The following CCDC6 variants were observed in gnomAD, a reference collection of about 807,000 sequenced individuals.
CCDC6 encodes coiled-coil domain containing 6.
In CCDC6, 20 loss-of-function variants were observed where a neutral mutation model predicts 56.6. The observed-to-expected ratio is 0.35, with a 90% CI of 0.25 to 0.51. The LOEUF (loss-of-function observed/expected upper bound fraction) is 0.51, where lower values mean the gene tolerates loss of function less well. Ranked by LOEUF, CCDC6 falls within the 20% of genes least tolerant of loss-of-function variation. The pLI, the probability that CCDC6 is intolerant of heterozygous loss-of-function variation, is 0.95. For synonymous variants in CCDC6, 241 were observed against 234.4 expected (o/e 1.03, Z -0.26); for missense variants, 367 against 601.1 (o/e 0.61, Z 4.07).
chr10:59,871,379 G>A (rs1251212886), intron 1 of CCDC6, among the ~76,000 whole-genome samples: 6 of 147,916 alleles, frequency 4.1e-5, no homozygotes, highest in East Asian at 2.0e-4. Flanking sequence ...GTGTATACAC[G>A]TACACACAAA....
chr10:59,859,426 A>G (rs2071108952), intron 1 of CCDC6, among the ~76,000 whole-genome samples: 1 of 152,210 alleles, frequency 6.6e-6, no homozygotes, highest in African/African-American at 2.4e-5. Flanking sequence ...AACTTTATAA[A>G]ACATTTAGAA....
In CCDC6 at chr10:59,906,183, T is replaced by C. The variant is rs765340983; in HGVS notation, c.242A>G (p.Lys81Arg). Residue 81 changes from lysine (K) to arginine (R), a missense_variant, in exon 1 of 9, where the codon AAA becomes AGA. By Grantham distance (26) the Lys-to-Arg change is conservative. Coordinates refer to ENST00000263102, the MANE Select transcript of CCDC6 (RefSeq NM_005436.5). ...KVLKIELETY[K>R]LKCKALQEEN... ...CTCCTGCAGTGCCTTGCACTTCAGT[T>C]TGTAGGTCTCCAGCTCTATCTTCAG... 1 of 1,612,100 alleles carries C rather than the reference T, an allele frequency of 6.2e-7. No individual in the cohort carries two copies. The highest frequency in any genetic ancestry group is 1.1e-5 in the South Asian group (1 of 90,604).
At chr10:59,847,818 T>C (rs1266418407) in intron 2 of CCDC6, among the ~76,000 whole-genome samples, 2 of 68,522 alleles carry the variant, frequency 2.9e-5, no homozygotes, top group Non-Finnish European at 4.6e-5. Flanking sequence ...CCTTTTAGAC[T>C]TTTTTTTTTT....
At position 59,791,696 on chromosome 10, in the gene CCDC6, G is replaced by C; in HGVS notation, c.*1221C>G. On this transcript the variant is annotated 3_prime_UTR_variant, in exon 9 of 9. Transcript: ENST00000263102. ...ACTACCAAAGTACAAAACAGCAACT[G>C]CTGAAAAACAAAAATTAAGATGTTG... 1 of 211,592 alleles carries C rather than the reference G, an allele frequency of 4.7e-6. No homozygotes were observed. Among genetic ancestry groups the C allele is most frequent in the Non-Finnish European group, 9.6e-6 (1 of 104,034 alleles). 13.1% of individuals were successfully genotyped at this position (211,592 alleles called of 1,614,324 possible).
intron 5 of CCDC6, among the ~76,000 whole-genome samples, chr10:59,809,498 T>G (rs540150473): frequency 1.3e-5 from 2 of 152,308 alleles, no homozygotes; most frequent in South Asian, 4.2e-4. Flanking sequence ...CCAACACCTC[T>G]GGGTGTCACT....
intron 6 of CCDC6, chr10:59,805,392 T>C (rs1426713322): frequency 6.9e-6 from 1 of 145,406 alleles, no homozygotes; most frequent in Admixed American, 6.8e-5. Flanking sequence ...AGGGAAAGTA[T>C]TTATTGGGCA....
At chr10:59,837,095 T>C (rs2132646616) in intron 2 of CCDC6, among the ~76,000 whole-genome samples, 1 of 152,330 alleles carries the variant, frequency 6.6e-6, no homozygotes, top group East Asian at 1.9e-4. Flanking sequence ...TTACCAATAA[T>C]TGTTGTGCTT....
intron 1 of CCDC6, among the ~76,000 whole-genome samples, chr10:59,879,686 C>T (rs1564755127): frequency 6.6e-6 from 1 of 152,184 alleles, no homozygotes; most frequent in Non-Finnish European, 1.5e-5. Flanking sequence ...GATACCCAAT[C>T]ACAGAATCGC....
At position 59,791,635 on chromosome 10, in the gene CCDC6, T is replaced by C. The variant is rs754892325; in HGVS notation, c.*1282A>G. 9.3e-5 allele frequency: 19 copies of C among 204,730 alleles called. No homozygotes were observed. Among genetic ancestry groups the C allele is most frequent in the Non-Finnish European group, 1.6e-4 (16 of 99,646 alleles). 12.7% of individuals were successfully genotyped at this position (204,730 alleles called of 1,614,324 possible). On this transcript the variant is annotated 3_prime_UTR_variant, in exon 9 of 9. Coordinates refer to ENST00000263102, the MANE Select transcript of CCDC6 (RefSeq NM_005436.5). The stretch of plus-strand genomic sequence containing the variant: ...GTAAGTTATTTTCATCCACAGCATA[T>C]ATAAATATGCAAACACAGGTGGTAA...
intron 2 of CCDC6, among the ~76,000 whole-genome samples, chr10:59,847,142 T>C (rs2070999465): frequency 6.6e-6 from 1 of 152,010 alleles, no homozygotes; most frequent in South Asian, 2.1e-4. Context: ...AAGGTCCGCC[T>C]CCTGGGTTCA....
At chr10:59,817,177 C>T (rs955978312) in intron 3 of CCDC6, among the ~76,000 whole-genome samples, 3 of 152,142 alleles carry the variant, frequency 2.0e-5, no homozygotes, top group Non-Finnish European at 2.9e-5. Context: ...GTACAATCCA[C>T]AGTCATTTCT....
At chr10:59,839,169 T>C (rs1447748517) in intron 2 of CCDC6, among the ~76,000 whole-genome samples, 2 of 152,238 alleles carry the variant, frequency 1.3e-5, no homozygotes, top group Non-Finnish European at 2.9e-5. Context: ...AATTAGGTGA[T>C]CTGCCTGAAA....
intron 3 of CCDC6, among the ~76,000 whole-genome samples, chr10:59,826,799 T>A (rs938934539): frequency 6.6e-6 from 1 of 152,168 alleles, no homozygotes; most frequent in Non-Finnish European, 1.5e-5. Context: ...GAGGCTTAAA[T>A]GATATACACA....
intron 1 of CCDC6, among the ~76,000 whole-genome samples, chr10:59,893,077 T>C (rs2071434427): frequency 6.6e-6 from 1 of 152,216 alleles, no homozygotes; most frequent in Non-Finnish European, 1.5e-5. Context: ...GGAACTAGGA[T>C]AATCAAAGAA....
intron 2 of CCDC6, among the ~76,000 whole-genome samples, chr10:59,845,205 A>C (rs2070980499): frequency 6.6e-6 from 1 of 152,204 alleles, no homozygotes. Flanking sequence ...AAATAAAGCA[A>C]GTTTAACTCC....
At chr10:59,900,100 T>C (rs1237728761) in intron 1 of CCDC6, among the ~76,000 whole-genome samples, 1 of 152,122 alleles carries the variant, frequency 6.6e-6, no homozygotes, top group Admixed American at 6.6e-5. Flanking sequence ...GTTTCTCACA[T>C]GCCAAGCACT....
At chr10:59,841,662 GTTT>G (rs537645567) in intron 2 of CCDC6, among the ~76,000 whole-genome samples, 1 of 149,602 alleles carries the variant, frequency 6.7e-6, no homozygotes, top group Non-Finnish European at 1.5e-5. Context: ...TCCGTGTCTT[GTTT>G]TTTTTGTTTG....
At chr10:59,860,029 C>T (rs2071114801) in intron 1 of CCDC6, among the ~76,000 whole-genome samples, 1 of 152,186 alleles carries the variant, frequency 6.6e-6, no homozygotes, top group African/African-American at 2.4e-5. Flanking sequence ...TTGCAGTGAG[C>T]CAGTTTTGTG....
rs2071350545 is a variant in CCDC6 at position 59,882,545 on chromosome 10, G to GGC, written c.303+23576_303+23577insGC. Among the ~76,000 whole-genome samples the GGC allele has an allele frequency of 5.4e-5, 4 of 74,754 alleles. 1 individual carries two copies. The highest frequency in any genetic ancestry group is 9.3e-5 in the African/African-American group (2 of 21,476). The allele number at this position is 74,754 out of a possible 152,430, so 49.0% of individuals were successfully genotyped here. On this transcript the variant is annotated intron_variant, in intron 1 of 8. Transcript: ENST00000263102. ...AGGGGGAGAAGGAAAGGAAAGCCGC[G>GGC]GGGAGAAGGAAAGGAAAGCCGCGGG...
Sources: gnomAD v4.1 joint callset for allele counts (sites outside exome capture counted in the v4.1 genomes callset) on GRCh38, gnomAD v4.1.1 for gene constraint, MANE v1.5 for transcripts, NCBI Gene and HGNC (gene_info 2026-07-23, HGNC 2026-07-21) for gene names.